The following SRD5A2 variants were observed in gnomAD, a reference collection of about 807,000 sequenced individuals.
The protein encoded by SRD5A2 is 3-oxo-5-alpha-steroid 4-dehydrogenase 2.
A neutral mutation model predicts 27.4 loss-of-function variants in SRD5A2; 30 were observed. The observed-to-expected ratio is 1.10, with a 90% CI of 0.82 to 1.49. SRD5A2 has a LOEUF of 1.49. Ranked by LOEUF, SRD5A2 falls within the 40% of genes most tolerant of loss-of-function variation. SRD5A2 has a pLI of 0.00. For synonymous variants in SRD5A2, 141 were observed against 133.6 expected, an observed-to-expected ratio of 1.06 and a Z score of -0.38; for missense variants, 348 against 323.4, an observed-to-expected ratio of 1.08 and a Z score of -0.58.
chr2:31,594,424 C>A, the SRD5A2 span, among the ~76,000 whole-genome samples: 1 of 152,084 alleles, frequency 6.6e-6, no homozygotes. Context: ...ACAAAACAGA[C>A]TTTAAAACAA....
chr2:31,660,738 G>C, the SRD5A2 span, among the ~76,000 whole-genome samples: 1 of 151,760 alleles, frequency 6.6e-6, no homozygotes, highest in Admixed American at 6.6e-5. Context: ...ATTCACTATA[G>C]GATTATTTGT....
the SRD5A2 span, among the ~76,000 whole-genome samples, chr2:31,628,526 G>A: frequency 6.6e-6 from 1 of 152,104 alleles, no homozygotes; most frequent in Non-Finnish European, 1.5e-5. Flanking sequence ...TTGTTAGCTG[G>A]TTATTATGCA....
At chr2:31,560,169 A>G (rs1225781471) in intron 1 of SRD5A2, among the ~76,000 whole-genome samples, 1 of 149,968 alleles carries the variant, frequency 6.7e-6, no homozygotes, top group Non-Finnish European at 1.5e-5. Context: ...ATATATATGA[A>G]CTCTTTCTGA....
the SRD5A2 span, among the ~76,000 whole-genome samples, chr2:31,653,940 T>G: frequency 2.0e-5 from 3 of 152,160 alleles, no homozygotes; most frequent in Non-Finnish European, 4.4e-5. Context: ...ATTACAGGCG[T>G]GACCCACTGC....
chr2:31,612,702 C>T, the SRD5A2 span, among the ~76,000 whole-genome samples: 1 of 151,978 alleles, frequency 6.6e-6, no homozygotes, highest in African/African-American at 2.4e-5. Flanking sequence ...AGACTGTAAA[C>T]GCCCAAAGCA....
chr2:31,621,014 AAAT>A, the SRD5A2 span, among the ~76,000 whole-genome samples: 1 of 149,154 alleles, frequency 6.7e-6, no homozygotes, highest in Non-Finnish European at 1.5e-5. Context: ...GTCAGATAGC[AAAT>A]AATGGATTTT....
chr2:31,619,010 T>C, the SRD5A2 span, among the ~76,000 whole-genome samples: 1 of 152,122 alleles, frequency 6.6e-6, no homozygotes, highest in African/African-American at 2.4e-5. Context: ...AGAATCTGAA[T>C]AAACATTTTT....
chr2:31,619,602 GT>G, the SRD5A2 span, among the ~76,000 whole-genome samples: 2 of 151,528 alleles, frequency 1.3e-5, no homozygotes, highest in East Asian at 1.9e-4. Context: ...ACCAGCATCT[GT>G]TTTTTTTGTG....
In SRD5A2 at chr2:31,580,858, C is replaced by A; in HGVS notation, c.43G>T (p.Ala15Ser). Residue 15 changes from alanine to serine, a missense_variant, in exon 1 of 5, where the codon GCC (alanine) becomes TCC (serine). By Grantham distance (99) the Ala-to-Ser change is moderately conservative. Transcript: ENST00000622030. ...CQQSPVLAGSATLVALGALAL... is the reference protein window; with the variant it reads ...CQQSPVLAGSSTLVALGALAL... ...AGTGCCCCAAGGGCGACCAAAGTGG[C>A]GCTGCCTGCCAGCACTGGGCTCTGC... 2 of 1,611,036 alleles carry A rather than the reference C, an allele frequency of 1.2e-6. No individual in the cohort carries two copies. Among genetic ancestry groups the A allele is most frequent in the Non-Finnish European group, 1.7e-6 (2 of 1,179,178 alleles).
At chr2:31,619,899 T>C in the SRD5A2 span, among the ~76,000 whole-genome samples, 1 of 152,206 alleles carries the variant, frequency 6.6e-6, no homozygotes, top group South Asian at 2.1e-4. Context: ...TATCTGTTTA[T>C]TCTGTTGAGA....
At chr2:31,580,567 G>A (rs1356266149) in intron 1 of SRD5A2, 53 bp downstream of exon 1, 1 of 1,436,084 alleles carries the variant, frequency 7.0e-7, no homozygotes, top group African/African-American at 1.4e-5. Context: ...GCTCCTGGAC[G>A]CCGGGAGCAG....
At chr2:31,642,424 G>A in the SRD5A2 span, among the ~76,000 whole-genome samples, 1 of 151,766 alleles carries the variant, frequency 6.6e-6, no homozygotes, top group Admixed American at 6.6e-5. Flanking sequence ...TTAAAATATA[G>A]GTGAAATACT....
In SRD5A2 at chr2:31,531,453, CA is replaced by C; in HGVS notation, c.464del (p.Leu155TrpfsTer5). ...CACTATGAATGTTTATTCCCATTCC[CA>C]AAATAAATAAGAAGACACCTTGACA... ...RFSLGVFLFILGMGINIHSDY... is the reference protein window; with the variant it reads ...RFSLGVFLFIXGMGINIHSDY... On this transcript the variant is annotated frameshift_variant, in exon 3 of 5. Transcript: ENST00000622030. LOFTEE classifies it high-confidence loss of function. 1 of 1,594,692 alleles carries C rather than the reference CA, an allele frequency of 6.3e-7. No individual in the cohort carries two copies. Among genetic ancestry groups the C allele is most frequent in the Non-Finnish European group, 8.5e-7 (1 of 1,170,372 alleles).
chr2:31,639,336 A>T, the SRD5A2 span, among the ~76,000 whole-genome samples: 3 of 151,998 alleles, frequency 2.0e-5, no homozygotes. Context: ...TGATAGATTA[A>T]TCTTTTGAGC....
chr2:31,653,806 C>T, the SRD5A2 span, among the ~76,000 whole-genome samples: 1 of 152,090 alleles, frequency 6.6e-6, no homozygotes, highest in Admixed American at 6.6e-5. Flanking sequence ...ATTACAGGTG[C>T]CCGCCACCAT....
chr2:31,613,640 A>G, the SRD5A2 span, among the ~76,000 whole-genome samples: 1 of 152,316 alleles, frequency 6.6e-6, no homozygotes, highest in South Asian at 2.1e-4. Context: ...GAATATTCAT[A>G]TGATCCAGCA....
chr2:31,572,385 G>T (rs972289419), intron 1 of SRD5A2, among the ~76,000 whole-genome samples: 1 of 152,120 alleles, frequency 6.6e-6, no homozygotes, highest in Non-Finnish European at 1.5e-5. Context: ...GAAATAATCT[G>T]TACACCAAAC....
At chr2:31,654,460 G>A in the SRD5A2 span, among the ~76,000 whole-genome samples, 2,711 of 152,262 alleles carry the variant, frequency 0.018, 43 homozygotes, top group Non-Finnish European at 0.031. Context: ...CAGCTGGTGC[G>A]TGGGTGAGTG....
chr2:31,616,513 AAAG>A, the SRD5A2 span, among the ~76,000 whole-genome samples: 1 of 152,214 alleles, frequency 6.6e-6, no homozygotes, highest in Non-Finnish European at 1.5e-5. Context: ...ACATGGAGCC[AAAG>A]AAGATCGTTT....
Sources: gnomAD v4.1 joint callset for allele counts (sites outside exome capture counted in the v4.1 genomes callset) on GRCh38, gnomAD v4.1.1 for gene constraint, MANE v1.5 for transcripts, NCBI Gene and HGNC (gene_info 2026-07-23, HGNC 2026-07-21) for gene names.